Variants in FRK observed in about 807,000 individuals in gnomAD.
FRK encodes the protein tyrosine-protein kinase FRK.
A neutral mutation model predicts 56.4 loss-of-function variants in FRK; 51 were observed. That is an observed-to-expected ratio of 0.90 (90% confidence interval 0.72 to 1.14). FRK has a LOEUF of 1.14. Among genes scored for constraint, FRK ranks in the 50% most tolerant of loss-of-function variants. FRK has a pLI of 0.00. For synonymous variants in FRK, 245 were observed against 217.9 expected (o/e 1.12, Z -1.10); for missense variants, 570 against 601.4 (o/e 0.95, Z 0.55).
intron 5 of FRK, among the ~76,000 whole-genome samples, chr6:115,946,051 C>T (rs965341136): frequency 1.3e-5 from 2 of 152,132 alleles, no homozygotes; most frequent in African/African-American, 4.8e-5. Context: ...AGCTGCCATA[C>T]TGTTGACAGA....
At chr6:116,041,772 G>A (rs1776723980) in intron 1 of FRK, among the ~76,000 whole-genome samples, 1 of 152,166 alleles carries the variant, frequency 6.6e-6, no homozygotes, top group South Asian at 2.1e-4. Flanking sequence ...GATTCCCTTG[G>A]GTGCCAATGC....
At chr6:116,033,864 C>T (rs921837846) in intron 1 of FRK, among the ~76,000 whole-genome samples, 1 of 152,130 alleles carries the variant, frequency 6.6e-6, no homozygotes, top group African/African-American at 2.4e-5. Context: ...GAAACTATCA[C>T]TCTAAGCCAG....
chr6:115,973,270 A>G (rs1773874909), intron 2 of FRK, among the ~76,000 whole-genome samples: 1 of 152,166 alleles, frequency 6.6e-6, no homozygotes, highest in South Asian at 2.1e-4. Flanking sequence ...TATATTCCTG[A>G]AGCTGGAAAC....
chr6:116,007,263 T>C lies in FRK; in HGVS notation c.345-3265A>G, dbSNP rs868233958. Among the ~76,000 whole-genome samples, 4 of 152,358 alleles carry C rather than the reference T, an allele frequency of 2.6e-5. No individual in the cohort carries two copies. The Middle Eastern group carries it at 0.01, about 389-fold the overall frequency. ...GGCATGAACACTCTCCAGTGAGTTA[T>C]TGGGACAAACCCTTCAATGGACACT... On this transcript the variant is annotated intron_variant, in intron 1 of 7. Transcript: ENST00000606080.
At chr6:116,079,333 T>C in the FRK span, among the ~76,000 whole-genome samples, 1 of 152,142 alleles carries the variant, frequency 6.6e-6, no homozygotes, top group Non-Finnish European at 1.5e-5. Context: ...TTGGGCATCT[T>C]AATTTGTATT....
chr6:115,988,023 A>C (rs1416388990), intron 2 of FRK, among the ~76,000 whole-genome samples: 1 of 152,088 alleles, frequency 6.6e-6, no homozygotes, highest in Non-Finnish European at 1.5e-5. Flanking sequence ...GGATTGAAAG[A>C]AAGTCCCTGC....
At chr6:115,990,783 A>T (rs753858705) in intron 2 of FRK, among the ~76,000 whole-genome samples, 23 of 152,010 alleles carry the variant, frequency 1.5e-4, no homozygotes, top group Non-Finnish European at 2.9e-4. Flanking sequence ...TGTGAATTTT[A>T]GAATTTTTTT....
At chr6:116,078,977 C>A in the FRK span, among the ~76,000 whole-genome samples, 1 of 152,048 alleles carries the variant, frequency 6.6e-6, no homozygotes, top group Non-Finnish European at 1.5e-5. Flanking sequence ...CTTTTCATTG[C>A]TGTGTATTGT....
chr6:116,081,579 G>C, the FRK span, among the ~76,000 whole-genome samples: 2 of 151,914 alleles, frequency 1.3e-5, no homozygotes, highest in Non-Finnish European at 2.9e-5. Context: ...AATTGCTTGA[G>C]CCTGGGAGGC....
intron 4 of FRK, among the ~76,000 whole-genome samples, chr6:115,959,241 C>A (rs1582649995): frequency 6.6e-6 from 1 of 152,314 alleles, no homozygotes; most frequent in South Asian, 2.1e-4. Context: ...TTTAACCAAT[C>A]ACTAAAGCTG....
intron 1 of FRK, among the ~76,000 whole-genome samples, chr6:116,020,825 A>G (rs1369148242): frequency 6.6e-6 from 1 of 152,176 alleles, no homozygotes; most frequent in Non-Finnish European, 1.5e-5. Flanking sequence ...TTTCAAATAT[A>G]TTCCAAAGTA....
At chr6:115,996,691 C>T (rs1042651129) in intron 2 of FRK, among the ~76,000 whole-genome samples, 2 of 152,074 alleles carry the variant, frequency 1.3e-5, no homozygotes, top group Non-Finnish European at 2.9e-5. Context: ...GTTTGTGTGG[C>T]TACTGATTTT....
intron 1 of FRK, among the ~76,000 whole-genome samples, chr6:116,036,448 A>C (rs1265710847): frequency 1.3e-5 from 2 of 152,324 alleles, no homozygotes; most frequent in African/African-American, 2.4e-5. Flanking sequence ...ATAATGTTAC[A>C]TTGATAACAG....
At chr6:115,956,047 C>A (rs941244451) in intron 5 of FRK, among the ~76,000 whole-genome samples, 1 of 152,172 alleles carries the variant, frequency 6.6e-6, no homozygotes, top group African/African-American at 2.4e-5. Context: ...ACATAGGATA[C>A]TTCCCTCCCT....
chr6:116,006,405 G>T (rs555068401), intron 1 of FRK, among the ~76,000 whole-genome samples: 2 of 152,324 alleles, frequency 1.3e-5, no homozygotes, highest in Admixed American at 1.3e-4. Context: ...AATGTGAAAT[G>T]AGCTTTTATA....
intron 1 of FRK, among the ~76,000 whole-genome samples, chr6:116,040,519 T>TA (rs1283272580): frequency 6.6e-6 from 1 of 152,220 alleles, no homozygotes; most frequent in Non-Finnish European, 1.5e-5. Context: ...AGAATTATGT[T>TA]ACATGTAGTC....
chr6:116,015,295 T>C (rs1775608283), intron 1 of FRK, among the ~76,000 whole-genome samples: 1 of 152,196 alleles, frequency 6.6e-6, no homozygotes, highest in African/African-American at 2.4e-5. Context: ...CTGAACTCTC[T>C]CTCTCCTGCC....
At chr6:116,042,816 T>C (rs1183710984) in intron 1 of FRK, among the ~76,000 whole-genome samples, 1 of 152,126 alleles carries the variant, frequency 6.6e-6, no homozygotes, top group Non-Finnish European at 1.5e-5. Context: ...TAAAGACTCA[T>C]TGATGTGCTG....
chr6:116,095,946 T>A, the FRK span, among the ~76,000 whole-genome samples: 1 of 152,202 alleles, frequency 6.6e-6, no homozygotes, highest in East Asian at 1.9e-4. Context: ...CCTTTCAAAC[T>A]CTTATACCAA....
Sources: gnomAD v4.1 joint callset for allele counts (sites outside exome capture counted in the v4.1 genomes callset) on GRCh38, gnomAD v4.1.1 for gene constraint, MANE v1.5 for transcripts, NCBI Gene and HGNC (gene_info 2026-07-23, HGNC 2026-07-21) for gene names.